Variants in GOLGA6L26 observed in about 807,000 individuals in gnomAD.
GOLGA6L26 encodes golgin subfamily A member 6-like protein 26.
At chr15:23,334,001 T>G in the GOLGA6L26 span, 108 of 214,452 alleles carry the variant, frequency 5.0e-4, no homozygotes, top group African/African-American at 0.014. Context: ...TGGGTTGGGG[T>G]GTTGGTGCGT....
chr15:23,332,904 C>T, the GOLGA6L26 span, among the ~76,000 whole-genome samples: 9 of 38,792 alleles, frequency 2.3e-4, no homozygotes, highest in East Asian at 6.3e-4. Context: ...TAATGTTTTG[C>T]CTCTCAATAG....
chr15:23,327,298 T>C, the GOLGA6L26 span: 132 of 495,134 alleles, frequency 2.7e-4, 7 homozygotes, highest in Middle Eastern at 1.9e-3. Flanking sequence ...CCTCCTGCTC[T>C]CGTATCTTCT....
the GOLGA6L26 span, among the ~76,000 whole-genome samples, chr15:23,330,496 G>A: frequency 8.3e-6 from 1 of 119,778 alleles, no homozygotes; most frequent in Admixed American, 7.9e-5. Flanking sequence ...CGGGCACTTG[G>A]CCTCTGAGCT....
the GOLGA6L26 span, chr15:23,327,361 CCTTATCTTCTCCTCCTGCCT>C: frequency 1.2e-6 from 1 of 844,424 alleles, no homozygotes; most frequent in South Asian, 1.6e-5. Context: ...CCTCCTGCTC[CCTTATCTTCTCCTCCTGCCT>C]CCACATCTTC....
chr15:23,326,943 C>G, the GOLGA6L26 span: 1 of 253,822 alleles, frequency 3.9e-6, no homozygotes. Context: ...ACCTGGTGTT[C>G]CTGCATCTTC....
the GOLGA6L26 span, chr15:23,327,273 G>T: frequency 2.3e-6 from 1 of 432,392 alleles, no homozygotes; most frequent in South Asian, 2.3e-5. Context: ...TTCTCTTCCT[G>T]TTCCTGCATC....
the GOLGA6L26 span, chr15:23,327,459 C>T: frequency 7.8e-6 from 3 of 384,094 alleles, 1 homozygote; most frequent in Admixed American, 8.9e-5. Context: ...ACCTTCTCCT[C>T]CTGCTTCCGT....
the GOLGA6L26 span, among the ~76,000 whole-genome samples, chr15:23,331,323 C>CAGGCTGGGAGTGGGTGAGATG: frequency 6.7e-6 from 1 of 148,620 alleles, no homozygotes; most frequent in Non-Finnish European, 1.5e-5. Flanking sequence ...CCTTCTTCCC[C>CAGGCTGGGAGTGGGTGAGATG]AGGCTGGGAG....
At chr15:23,328,590 TA>T in the GOLGA6L26 span, among the ~76,000 whole-genome samples, 1 of 30,056 alleles carries the variant, frequency 3.3e-5, no homozygotes, top group Admixed American at 2.6e-4. Flanking sequence ...CATGATCCTT[TA>T]AAAAAATATT....
At chr15:23,332,515 CTG>C in the GOLGA6L26 span, 35 of 487,650 alleles carry the variant, frequency 7.2e-5, 6 homozygotes, top group Non-Finnish European at 4.7e-5. Context: ...CACTTAGTGA[CTG>C]AGAGAGATTG....
the GOLGA6L26 span, chr15:23,332,247 AGGC>A: frequency 3.0e-6 from 2 of 661,602 alleles, no homozygotes. Flanking sequence ...TCACATCCTC[AGGC>A]GAGTGGCAAC....
chr15:23,332,343 GT>G, the GOLGA6L26 span: 4 of 1,028,000 alleles, frequency 3.9e-6, no homozygotes, highest in Non-Finnish European at 5.4e-6. Context: ...CAACACTAGG[GT>G]TGGTCTGGGG....
At chr15:23,327,667 C>T in the GOLGA6L26 span, 1 of 196,716 alleles carries the variant, frequency 5.1e-6, no homozygotes, top group Non-Finnish European at 8.8e-6. Context: ...GCTCCCGTAT[C>T]TTCTCCTCCT....
chr15:23,327,427 C>CCAT, the GOLGA6L26 span: 3 of 446,466 alleles, frequency 6.7e-6, no homozygotes, highest in South Asian at 6.0e-5. Context: ...CCTGGTCGTG[C>CCAT]ATCTTCTCCT....
the GOLGA6L26 span, chr15:23,334,174 C>G: frequency 2.5e-6 from 1 of 402,468 alleles, no homozygotes; most frequent in South Asian, 2.7e-5. Flanking sequence ...TACCTCCAGT[C>G]ACCTCTACGT....
chr15:23,328,343 C>T, the GOLGA6L26 span, among the ~76,000 whole-genome samples: 1 of 20,686 alleles, frequency 4.8e-5, no homozygotes, highest in East Asian at 1.5e-3. Flanking sequence ...AGTGAAACCC[C>T]GTCTCTACTA....
the GOLGA6L26 span, among the ~76,000 whole-genome samples, chr15:23,333,422 TGTG>T: frequency 2.3e-3 from 171 of 74,604 alleles, no homozygotes; most frequent in African/African-American, 7.8e-3. Context: ...AGGCCGGTCT[TGTG>T]GTAGTAATGA....
chr15:23,326,792 G>A, the GOLGA6L26 span: 1 of 29,176 alleles, frequency 3.4e-5, no homozygotes. Context: ...AAAAGCAGAG[G>A]GAGCCAACCA....
chr15:23,334,028 C>G, the GOLGA6L26 span: 1 of 352,370 alleles, frequency 2.8e-6, no homozygotes, highest in Non-Finnish European at 5.0e-6. Flanking sequence ...GTTCCTTGGC[C>G]TCGGCCAATT....
Sources: allele counts gnomAD v4.1 joint callset (sites outside exome capture counted in the v4.1 genomes callset), GRCh38; gene constraint gnomAD v4.1.1; transcripts MANE v1.5; gene names NCBI Gene and HGNC (gene_info 2026-07-23, HGNC 2026-07-21).